SPAG16: variants seen among roughly 807,000 people sequenced by gnomAD.
SPAG16 encodes sperm associated antigen 16.
Under a neutral mutation model 80.4 loss-of-function variants are expected in SPAG16, and 86 were observed. The observed-to-expected ratio is 1.07, with a 90% CI of 0.90 to 1.28. The LOEUF is 1.28. Ranked by LOEUF, SPAG16 falls within the 50% of genes most tolerant of loss-of-function variation. The pLI, the probability that SPAG16 is intolerant of heterozygous loss-of-function variation, is 0.00. For missense variants in SPAG16, 870 were observed against 765.3 expected (o/e 1.14, Z -1.61); for synonymous variants, 294 against 265.9 (o/e 1.11, Z -1.03).
chr2:213,918,860 G>A (rs2078086297), intron 11 of SPAG16, among the ~76,000 whole-genome samples: 1 of 151,920 alleles, frequency 6.6e-6, no homozygotes, highest in African/African-American at 2.4e-5. Context: ...GTTCAGTCTT[G>A]GGAGGGTGTA....
At chr2:213,407,597 GAGAGAGA>G (rs2068688772) in intron 9 of SPAG16, among the ~76,000 whole-genome samples, 2 of 5,572 alleles carry the variant, frequency 3.6e-4, no homozygotes, top group Non-Finnish European at 7.5e-4. Flanking sequence ...AGAGAGACAG[GAGAGAGA>G]GAGAGAGAGA....
At chr2:214,218,012 T>G (rs923177528) in intron 15 of SPAG16, among the ~76,000 whole-genome samples, 3 of 152,248 alleles carry the variant, frequency 2.0e-5, no homozygotes, top group African/African-American at 7.2e-5. Flanking sequence ...TGCATATTTT[T>G]TTTCAATATG....
intron 15 of SPAG16, among the ~76,000 whole-genome samples, chr2:214,155,546 C>G (rs1404418420): frequency 6.6e-6 from 1 of 151,906 alleles, no homozygotes; most frequent in Non-Finnish European, 1.5e-5. Context: ...TGATGTTGCC[C>G]AGTCTGGTCT....
chr2:213,889,575 G>A (rs1411367676), intron 11 of SPAG16, among the ~76,000 whole-genome samples: 1 of 150,502 alleles, frequency 6.6e-6, no homozygotes, highest in African/African-American at 2.4e-5. Flanking sequence ...CCTGCACCCA[G>A]GTGAAATAAA....
At chr2:213,799,299 T>G (rs1253081406) in intron 10 of SPAG16, among the ~76,000 whole-genome samples, 1 of 152,168 alleles carries the variant, frequency 6.6e-6, no homozygotes, top group African/African-American at 2.4e-5. Flanking sequence ...TTTATTAAAT[T>G]TATTCCTAAA....
intron 10 of SPAG16, among the ~76,000 whole-genome samples, chr2:213,789,475 G>A (rs927441273): frequency 1.3e-5 from 2 of 151,972 alleles, no homozygotes; most frequent in African/African-American, 4.8e-5. Flanking sequence ...CTGAGAGTAT[G>A]TGTGGCATCT....
chr2:213,353,838 A>C (rs1055908713), intron 7 of SPAG16, among the ~76,000 whole-genome samples: 10 of 152,164 alleles, frequency 6.6e-5, no homozygotes, highest in Non-Finnish European at 1.2e-4. Flanking sequence ...ATTTTTAATA[A>C]ATTCCACTTT....
At chr2:214,180,237 T>C (rs537255781) in intron 15 of SPAG16, among the ~76,000 whole-genome samples, 4 of 151,738 alleles carry the variant, frequency 2.6e-5, no homozygotes, top group East Asian at 3.9e-4. Flanking sequence ...TTTATACATA[T>C]GTTGAGGGAA....
intron 15 of SPAG16, among the ~76,000 whole-genome samples, chr2:214,230,764 GAGA>G (rs955796400): frequency 6.6e-6 from 1 of 151,944 alleles, no homozygotes; most frequent in African/African-American, 2.4e-5. Flanking sequence ...ATAGCCAAGA[GAGA>G]AGGCCATTGT....
At chr2:213,913,383 G>T (rs574060137) in intron 11 of SPAG16, among the ~76,000 whole-genome samples, 1 of 152,190 alleles carries the variant, frequency 6.6e-6, no homozygotes, top group Admixed American at 6.5e-5. Context: ...TGAAGCACAT[G>T]TGTAAACGTT....
intron 15 of SPAG16, among the ~76,000 whole-genome samples, chr2:214,322,830 G>A (rs1696196161): frequency 6.6e-6 from 1 of 152,166 alleles, no homozygotes; most frequent in Admixed American, 6.5e-5. Flanking sequence ...ACGCTGGGAA[G>A]CAGCAGCCAG....
At chr2:214,409,129 T>C (rs1472457814) in intron 15 of SPAG16, among the ~76,000 whole-genome samples, 1 of 151,760 alleles carries the variant, frequency 6.6e-6, no homozygotes, top group Non-Finnish European at 1.5e-5. Context: ...ACTGTAACGA[T>C]CATTCAGAAT....
chr2:213,516,960 A>G (rs1260542864), intron 10 of SPAG16, among the ~76,000 whole-genome samples: 1 of 152,184 alleles, frequency 6.6e-6, no homozygotes, highest in Non-Finnish European at 1.5e-5. Flanking sequence ...AGGAAGTCCT[A>G]GCCAATGCAA....
intron 12 of SPAG16, among the ~76,000 whole-genome samples, chr2:213,998,462 G>A (rs1467282999): frequency 6.6e-6 from 1 of 152,148 alleles, no homozygotes; most frequent in Non-Finnish European, 1.5e-5. Flanking sequence ...TTCACCTCCT[G>A]CCATGATTCT....
At chr2:213,362,624 TA>T (rs1396497043) in intron 7 of SPAG16, among the ~76,000 whole-genome samples, 1 of 152,196 alleles carries the variant, frequency 6.6e-6, no homozygotes, top group Non-Finnish European at 1.5e-5. Flanking sequence ...TGCAAATCCA[TA>T]ACTTTAGTCT....
At chr2:213,710,802 G>A (rs2065949194) in intron 10 of SPAG16, among the ~76,000 whole-genome samples, 1 of 152,210 alleles carries the variant, frequency 6.6e-6, no homozygotes, top group African/African-American at 2.4e-5. Flanking sequence ...AACTTAAGAT[G>A]TTGACCGTGT....
chr2:214,081,692 T>G (rs914698826), intron 13 of SPAG16, among the ~76,000 whole-genome samples: 10 of 152,156 alleles, frequency 6.6e-5, no homozygotes, highest in Non-Finnish European at 1.5e-5. Flanking sequence ...TTCTGTTGTT[T>G]TATGCCACCC....
At chr2:213,433,425 AC>A (rs2070425436) in intron 9 of SPAG16, among the ~76,000 whole-genome samples, 1 of 152,254 alleles carries the variant, frequency 6.6e-6, no homozygotes, top group East Asian at 1.9e-4. Context: ...AAATCAATTT[AC>A]AAAAATCTGT....
At chr2:214,185,494 A>T (rs1349153088) in intron 15 of SPAG16, among the ~76,000 whole-genome samples, 1 of 150,730 alleles carries the variant, frequency 6.6e-6, no homozygotes, top group Non-Finnish European at 1.5e-5. Context: ...CTATGTGATA[A>T]AAAAAAAAGT....
Sources: gnomAD v4.1 joint callset for allele counts (sites outside exome capture counted in the v4.1 genomes callset) on GRCh38, gnomAD v4.1.1 for gene constraint, MANE v1.5 for transcripts, NCBI Gene and HGNC (gene_info 2026-07-23, HGNC 2026-07-21) for gene names.